The following ACACB variants were observed in gnomAD, a reference collection of about 807,000 sequenced individuals.
ACACB encodes the protein acetyl-CoA carboxylase 2.
In ACACB, 209 loss-of-function variants were observed where a neutral mutation model predicts 278.8. The ratio of observed to expected loss-of-function variants is 0.75; its 90% CI spans 0.67 to 0.84. The LOEUF (loss-of-function observed/expected upper bound fraction) is 0.84. Ranked by LOEUF, ACACB falls within the 40% of genes least tolerant of loss-of-function variation. The pLI is 0.00. For synonymous variants in ACACB, 1,174 were observed against 1,285.6 expected, an observed-to-expected ratio of 0.91 and a Z score of 1.86; for missense variants, 2,850 against 3,269.0, an observed-to-expected ratio of 0.87 and a Z score of 3.13.
intron 20 of ACACB, 54 bp downstream of exon 20, chr12:109,206,910 C>T: frequency 6.3e-7 from 1 of 1,598,192 alleles, no homozygotes; most frequent in South Asian, 1.1e-5. Flanking sequence ...GTCAGAAGAT[C>T]TACCCCGTGA....
At chr12:109,241,564 T>G (rs1593678879) in intron 36 of ACACB, 1 of 392,520 alleles carries the variant, frequency 2.5e-6, no homozygotes, top group East Asian at 5.3e-5. Flanking sequence ...GCCAGGCTGG[T>G]CTCGAATTCC....
At chr12:109,209,996 T>C (rs1237469683) in intron 21 of ACACB, among the ~76,000 whole-genome samples, 1 of 114,926 alleles carries the variant, frequency 8.7e-6, no homozygotes, top group Non-Finnish European at 1.8e-5. Flanking sequence ...TGTGTATATA[T>C]GTGTATATGT....
chr12:109,120,699 ATGG>A (rs2135937504), intron 1 of ACACB, among the ~76,000 whole-genome samples: 1 of 152,274 alleles, frequency 6.6e-6, no homozygotes, highest in East Asian at 1.9e-4. Flanking sequence ...GAGTGAGGCA[ATGG>A]TGGGCGTAGG....
chr12:109,222,850 G>A lies in ACACB; in HGVS notation c.3730G>A (p.Glu1244Lys), dbSNP rs943818474. The A allele has an allele frequency of 6.2e-7, 1 of 1,613,860 alleles. No individual in the cohort carries two copies. Among genetic ancestry groups the A allele is most frequent in the Non-Finnish European group, 8.5e-7 (1 of 1,179,972 alleles). Residue 1244 changes from glutamate to lysine, a missense_variant, in exon 26 of 53, where the codon GAG (glutamate) becomes AAG (lysine). Glu to Lys is a moderately conservative substitution (Grantham distance 56). Coordinates refer to ENST00000338432, the MANE Select transcript of ACACB (RefSeq NM_001093.4). ...PSYELRHNQV[E>K]SIFLSAIDMY... ...CTACGAGCTGCGGCATAACCAGGTGGAGTCCATTTTCCTGTCTGCCATTGA... is the reference window on the plus strand; with the variant it reads ...CTACGAGCTGCGGCATAACCAGGTGAAGTCCATTTTCCTGTCTGCCATTGA...
intron 19 of ACACB, 113 bp from the exon 20 acceptor site, chr12:109,206,597 C>A (rs1441405046): frequency 2.7e-5 from 33 of 1,212,224 alleles, no homozygotes; most frequent in Non-Finnish European, 3.9e-5. Flanking sequence ...CCTCAGACCT[C>A]ATCCTCACTT....
chr12:109,260,048 T>C (rs759674655), intron 47 of ACACB: 1 of 1,351,778 alleles, frequency 7.4e-7, no homozygotes, highest in South Asian at 1.1e-5. Flanking sequence ...TATTATTGCA[T>C]TCTTGTTTTC....
intron 19 of ACACB, among the ~76,000 whole-genome samples, 184 bp downstream of exon 19, chr12:109,201,885 C>G (rs2045345593): frequency 6.6e-6 from 1 of 152,184 alleles, no homozygotes; most frequent in African/African-American, 2.4e-5. Flanking sequence ...CTGCTTTACT[C>G]AGATCCCTCT....
chr12:109,184,109 G>A (rs1390403627), intron 11 of ACACB, among the ~76,000 whole-genome samples: 4 of 151,374 alleles, frequency 2.6e-5, no homozygotes, highest in African/African-American at 4.9e-5. Context: ...CTGGAGTGCA[G>A]TGGTGCGATC....
intron 34 of ACACB, among the ~76,000 whole-genome samples, chr12:109,238,335 G>A (rs561262012): frequency 1.5e-4 from 21 of 142,240 alleles, no homozygotes; most frequent in Admixed American, 5.0e-4. Context: ...TGGATGTACC[G>A]TGTATAATTT....
intron 24 of ACACB, among the ~76,000 whole-genome samples, chr12:109,218,314 A>ACC (rs1431658715): frequency 6.6e-6 from 1 of 151,072 alleles, no homozygotes; most frequent in Non-Finnish European, 1.5e-5. Flanking sequence ...CCATCCTCCC[A>ACC]CCTCAGCCTC....
In ACACB at chr12:109,253,097, C is replaced by A. The variant is rs1340487891; in HGVS notation, c.5984C>A (p.Thr1995Asn). The change falls in exon 43 of 53, where the codon ACC (threonine) becomes AAC (asparagine). Residue 1995 changes from threonine (T) to asparagine (N), a missense_variant. This residue lies in a region of ACACB where 579 missense variants were observed against 684.6 expected (regional missense o/e 0.85). Transcript: ENST00000338432. ...CATTACAATGGTGTCTCCCACATCA[C>A]CGTGCCAGATGACTTTGAGGGGGTT... ...IMHYNGVSHITVPDDFEGVYT... is the reference protein window; with the variant it reads ...IMHYNGVSHINVPDDFEGVYT... 6.2e-7 allele frequency: 1 copy of A among 1,613,496 alleles called. No homozygotes were observed. Among genetic ancestry groups the A allele is most frequent in the Admixed American group, 1.7e-5 (1 of 59,978 alleles).
chr12:109,181,842 T>TTTTA lies in ACACB; in HGVS notation c.1818+1758_1818+1759insATTT, dbSNP rs2044485099. 3.2e-5 allele frequency among the ~76,000 whole-genome samples: 4 copies of TTTTA among 126,340 alleles called. No individual in the cohort carries two copies. In the South Asian group the frequency reaches 1.1e-3, roughly 36 times the overall value. 82.9% of individuals were successfully genotyped at this position (126,340 alleles called of 152,430 possible). ...TTTTCTGTTTTCTTTTTCCTTTCCT[T>TTTTA]TTTTTTTTTTTTTTTTTTTTGAGAG... On this transcript the variant is annotated intron_variant, in intron 11 of 52. Transcript: ENST00000338432.
chr12:109,257,926 T>G (rs1473328650), intron 45 of ACACB, among the ~76,000 whole-genome samples: 1 of 152,198 alleles, frequency 6.6e-6, no homozygotes, highest in East Asian at 1.9e-4. Flanking sequence ...GTTCCATTCC[T>G]CACACTTGCC....
rs201003033 is a variant in ACACB at position 109,241,180 on chromosome 12, A to C, written c.4921A>C (p.Thr1641Pro). The change falls in exon 36 of 53, where the codon ACC (threonine) becomes CCC (proline). Residue 1641 changes from threonine (T) to proline (P), a missense_variant. Thr to Pro is a conservative substitution (Grantham distance 38). Transcript: ENST00000338432. ...CAAGATCAACATCCGCCAGACCACC[A>C]CCGGCAGTGCCGTTCCCATCCGCCT... ...EVKINIRQTT[T>P]GSAVPIRLFI... 1 of 1,614,010 alleles carries C rather than the reference A, an allele frequency of 6.2e-7. No homozygotes were observed. Among genetic ancestry groups the C allele is most frequent in the African/African-American group, 1.3e-5 (1 of 74,912 alleles).
At chr12:109,190,654 G>A (rs79125309) in intron 13 of ACACB, among the ~76,000 whole-genome samples, 10,118 of 151,906 alleles carry the variant, frequency 0.067, 611 homozygotes, top group African/African-American at 0.16. Flanking sequence ...AAGAGATAGC[G>A]TCTCACTGTG....
rs113571428 is a variant in ACACB at position 109,126,708 on chromosome 12, TA to T, written c.-10+10009del. 4.6e-5 allele frequency among the ~76,000 whole-genome samples: 7 copies of T among 151,658 alleles called. No individual in the cohort carries two copies. The South Asian group carries it at 8.3e-4, about 18-fold the overall frequency. On this transcript the variant is annotated intron_variant, in intron 1 of 52. Coordinates refer to ENST00000338432, the MANE Select transcript of ACACB (RefSeq NM_001093.4). ...CTACACACACAAAAAAAATAAAAAA[TA>T]AAAAGAAAGAAAAAAGAAGTTTGGT...
In ACACB at chr12:109,209,095, T is replaced by G. The variant is rs912734162; in HGVS notation, c.3061-70T>G. ...TCAGGATGGGTTGAGCTGTGTTGGG[T>G]GCCCTGTTTGGGGCGGTGGTGCCCA... is the stretch of plus-strand genomic sequence containing the variant. On this transcript the variant is annotated intron_variant, in intron 20 of 52. Transcript: ENST00000338432. 7 of 1,485,962 alleles carry G rather than the reference T, an allele frequency of 4.7e-6. No homozygotes were observed. In the African/African-American group the frequency reaches 9.7e-5, roughly 21 times the overall value. 92.0% of individuals were successfully genotyped at this position (1,485,962 alleles called of 1,614,324 possible).
At chr12:109,204,034 A>T (rs992654291) in intron 19 of ACACB, among the ~76,000 whole-genome samples, 2 of 152,092 alleles carry the variant, frequency 1.3e-5, no homozygotes, top group African/African-American at 4.8e-5. Context: ...TTTTTAAAAA[A>T]ATTATAATTA....
rs544363739 is a variant in ACACB, at chr12:109,145,252, A to AG, written c.653+5198dup. Among the ~76,000 whole-genome samples, 762 of 152,282 alleles carry AG rather than the reference A, an allele frequency of 5.0e-3. 6 individuals are homozygous for AG. The highest frequency in any genetic ancestry group is 0.017 in the African/African-American group (709 of 41,552). ...GATCCGTCGTTTTGGTTTGGTCTGT[A>AG]GGGGCTAAGCACAGGAGCTCAGCTC... On this transcript the variant is annotated intron_variant, in intron 2 of 52. Coordinates refer to ENST00000338432, the MANE Select transcript of ACACB (RefSeq NM_001093.4).
Sources: gnomAD v4.1 joint callset for allele counts (sites outside exome capture counted in the v4.1 genomes callset) on GRCh38, gnomAD v4.1.1 for gene constraint, gnomAD v4.1.1 regional missense constraint, MANE v1.5 for transcripts, NCBI Gene and HGNC (gene_info 2026-07-23, HGNC 2026-07-21) for gene names.